The following MAGI2 variants were observed in gnomAD, a reference collection of about 807,000 sequenced individuals.
The protein encoded by MAGI2 is membrane associated guanylate kinase, WW and PDZ domain containing 2, also known as membrane-associated guanylate kinase, WW and PDZ domain-containing protein 2.
In MAGI2, 35 loss-of-function variants were observed where a neutral mutation model predicts 133.3. That is an observed-to-expected ratio of 0.26 (90% CI 0.20 to 0.35). MAGI2 has a LOEUF of 0.35. MAGI2 is among the 10% of genes least tolerant of loss of function. The pLI is 1.00. For missense variants in MAGI2, 1,636 were observed against 1,863.4 expected, an observed-to-expected ratio of 0.88 and a Z score of 2.25; for synonymous variants, 729 against 710.6, an observed-to-expected ratio of 1.03 and a Z score of -0.41.
At chr7:79,392,054 T>C (rs1844699179) in intron 1 of MAGI2, among the ~76,000 whole-genome samples, 1 of 152,208 alleles carries the variant, frequency 6.6e-6, no homozygotes, top group Non-Finnish European at 1.5e-5. Context: ...TTCCCTTCCC[T>C]GTTTCCATGT....
chr7:78,926,593 C>G (rs191100917), intron 2 of MAGI2, among the ~76,000 whole-genome samples: 1 of 151,794 alleles, frequency 6.6e-6, no homozygotes, highest in African/African-American at 2.4e-5. Context: ...CCAAGAACCT[C>G]GTTAAATAAA....
At chr7:78,906,207 A>G (rs1222022242) in intron 2 of MAGI2, among the ~76,000 whole-genome samples, 1 of 152,262 alleles carries the variant, frequency 6.6e-6, no homozygotes, top group Non-Finnish European at 1.5e-5. Flanking sequence ...TGTCTCCACT[A>G]TAATCGTGGG....
At chr7:78,044,701 GTGTGCA>G (rs1223049187) in intron 21 of MAGI2, among the ~76,000 whole-genome samples, 3 of 101,680 alleles carry the variant, frequency 3.0e-5, no homozygotes, top group African/African-American at 1.3e-4. Flanking sequence ...GTGTGTGTGT[GTGTGCA>G]CGTGTGCACA....
intron 2 of MAGI2, among the ~76,000 whole-genome samples, chr7:78,929,599 G>A (rs192821796): frequency 2.2e-4 from 33 of 152,014 alleles, no homozygotes; most frequent in African/African-American, 5.1e-4. Flanking sequence ...CCAGTTTTCC[G>A]TCTTCAAAAC....
chr7:79,172,824 G>T (rs901582086), intron 1 of MAGI2: 3 of 151,988 alleles, frequency 2.0e-5, no homozygotes, highest in African/African-American at 7.2e-5. Context: ...AAAAAGGCAA[G>T]AAATATAATA....
intron 4 of MAGI2, among the ~76,000 whole-genome samples, chr7:78,504,667 C>G (rs1052652351): frequency 6.6e-6 from 1 of 152,050 alleles, no homozygotes; most frequent in Non-Finnish European, 1.5e-5. Flanking sequence ...AGTTATCTTA[C>G]TTTGAGAACA....
chr7:78,880,870 T>C (rs903221364), intron 2 of MAGI2, among the ~76,000 whole-genome samples: 5 of 151,992 alleles, frequency 3.3e-5, no homozygotes, highest in African/African-American at 1.2e-4. Flanking sequence ...AAGTAAAGAA[T>C]TGGACAAAGA....
chr7:78,902,406 T>C (rs559165080), intron 2 of MAGI2: 5 of 152,308 alleles, frequency 3.3e-5, no homozygotes, highest in African/African-American at 1.2e-4. Flanking sequence ...AATTATTTGC[T>C]TTCAAACCAA....
intron 1 of MAGI2, among the ~76,000 whole-genome samples, chr7:79,075,691 G>A (rs923591787): frequency 3.3e-5 from 5 of 152,110 alleles, no homozygotes; most frequent in African/African-American, 1.2e-4. Flanking sequence ...TTGAACCCAG[G>A]AAGTGGAGGT....
intron 3 of MAGI2, among the ~76,000 whole-genome samples, chr7:78,583,212 C>T (rs1246739191): frequency 6.6e-6 from 1 of 152,122 alleles, no homozygotes; most frequent in African/African-American, 2.4e-5. Context: ...TCTCTCACCC[C>T]TTAAAAATTA....
At chr7:78,746,241 A>G (rs1822916863) in intron 2 of MAGI2, among the ~76,000 whole-genome samples, 1 of 152,222 alleles carries the variant, frequency 6.6e-6, no homozygotes, top group Admixed American at 6.5e-5. Context: ...TTGAAGAGCC[A>G]GCTCTCAGGC....
At chr7:79,227,183 A>T (rs1830933101) in intron 1 of MAGI2, among the ~76,000 whole-genome samples, 1 of 152,206 alleles carries the variant, frequency 6.6e-6, no homozygotes, top group Non-Finnish European at 1.5e-5. Flanking sequence ...ACTGTCTATT[A>T]TCACTAAGCT....
chr7:79,144,641 C>T (rs1285625091), intron 1 of MAGI2, among the ~76,000 whole-genome samples: 1 of 152,086 alleles, frequency 6.6e-6, no homozygotes, highest in African/African-American at 2.4e-5. Flanking sequence ...CACTTTATGC[C>T]TTTTACATAG....
intron 1 of MAGI2, among the ~76,000 whole-genome samples, chr7:79,179,682 C>T (rs187525895): frequency 6.6e-6 from 1 of 151,982 alleles, no homozygotes; most frequent in Admixed American, 6.6e-5. Context: ...GGAAAGGATA[C>T]CTTGTTCAAT....
intron 2 of MAGI2, among the ~76,000 whole-genome samples, chr7:78,848,680 T>G (rs1792845515): frequency 6.6e-6 from 1 of 152,012 alleles, no homozygotes; most frequent in Admixed American, 6.6e-5. Flanking sequence ...AACCCCAAGC[T>G]TAGTCCCTCT....
At position 78,409,877 on chromosome 7, in the gene MAGI2, A is replaced by C. The variant is rs573623562; in HGVS notation, c.1046-40664T>G. Reference sequence around the variant, plus strand: ...AGCTTTACAAATTTGTTATTCAATTAAACTCTTTTTCTGTCATATTAACAG... The same window carrying C: ...AGCTTTACAAATTTGTTATTCAATTCAACTCTTTTTCTGTCATATTAACAG... On this transcript the variant is annotated intron_variant, in intron 6 of 21. Transcript: ENST00000354212. 6.4e-4 allele frequency among the ~76,000 whole-genome samples: 97 copies of C among 152,240 alleles called. No homozygotes were observed. The South Asian group carries it at 0.013, about 20-fold the overall frequency.
At position 78,085,114 on chromosome 7, in the gene MAGI2, T is replaced by C. The variant is rs528290926; in HGVS notation, c.3568-6029A>G. ...TCCAGAGAGAAAACTTCTAATCCAA[T>C]TGGAAACTGAAACACATGTTTGAGA... On this transcript the variant is annotated intron_variant, in intron 20 of 21. Transcript: ENST00000354212. 2.0e-5 allele frequency among the ~76,000 whole-genome samples: 3 copies of C among 152,294 alleles called. No individual in the cohort carries two copies. The South Asian group carries it at 6.2e-4, about 32-fold the overall frequency.
chr7:78,323,729 T>C (rs1302611933), intron 9 of MAGI2, among the ~76,000 whole-genome samples: 3 of 152,208 alleles, frequency 2.0e-5, no homozygotes, highest in African/African-American at 7.2e-5. Context: ...AAATTGTGCT[T>C]AATTTGGTAA....
chr7:78,223,651 A>G (rs1217274446), intron 10 of MAGI2, among the ~76,000 whole-genome samples: 1 of 152,206 alleles, frequency 6.6e-6, no homozygotes, highest in African/African-American at 2.4e-5. Context: ...ACTTAACAAG[A>G]TAATTTACCT....
Sources: gnomAD v4.1 joint callset for allele counts (sites outside exome capture counted in the v4.1 genomes callset) on GRCh38, gnomAD v4.1.1 for gene constraint, MANE v1.5 for transcripts, NCBI Gene and HGNC (gene_info 2026-07-23, HGNC 2026-07-21) for gene names.